CELF2: variants seen among roughly 807,000 people sequenced by gnomAD.
CELF2 encodes CUG triplet repeat RNA-binding protein 2.
CELF2 carries 8 observed loss-of-function variants against 62.6 expected under a neutral mutation model. The observed-to-expected ratio is 0.13, with a 90% CI of 0.07 to 0.23. The LOEUF is 0.23. Ranked by LOEUF, CELF2 falls within the 10% of genes least tolerant of loss-of-function variation. The pLI is 1.00. For synonymous variants in CELF2, 258 were observed against 250.0 expected (o/e 1.03, Z -0.30); for missense variants, 333 against 671.0 (o/e 0.50, Z 5.56).
intron 1 of CELF2, among the ~76,000 whole-genome samples, chr10:10,805,478 G>T (rs1448831941): frequency 6.6e-6 from 1 of 152,176 alleles, no homozygotes; most frequent in Admixed American, 6.5e-5. Flanking sequence ...TTGCAGAGCT[G>T]CAGGAAGAGG....
chr10:11,034,950 C>G (rs989703847), intron 1 of CELF2, among the ~76,000 whole-genome samples: 1 of 152,088 alleles, frequency 6.6e-6, no homozygotes, highest in African/African-American at 2.4e-5. Flanking sequence ...CCTTGGTACT[C>G]AAGTGGGTGC....
chr10:11,085,277 G>A (rs1417490659), intron 1 of CELF2, among the ~76,000 whole-genome samples: 1 of 152,202 alleles, frequency 6.6e-6, no homozygotes, highest in Admixed American at 6.5e-5. Flanking sequence ...GCTGTGGTCA[G>A]CAGCACATCA....
intron 3 of CELF2, among the ~76,000 whole-genome samples, chr10:11,248,485 T>G (rs1208522291): frequency 2.0e-5 from 3 of 152,196 alleles, no homozygotes; most frequent in Non-Finnish European, 4.4e-5. Flanking sequence ...TCTTTGTTCG[T>G]ATTCTGTATT....
intron 1 of CELF2, among the ~76,000 whole-genome samples, chr10:11,054,332 C>T (rs891448162): frequency 3.3e-5 from 5 of 152,066 alleles, no homozygotes; most frequent in East Asian, 3.8e-4. Flanking sequence ...TGTGGTCTCA[C>T]GAGGAAGAGG....
At chr10:11,301,047 C>G (rs1044765116) in intron 9 of CELF2, among the ~76,000 whole-genome samples, 1 of 152,178 alleles carries the variant, frequency 6.6e-6, no homozygotes, top group Non-Finnish European at 1.5e-5. Context: ...TCCTAGAAAG[C>G]AAGCCAGTTT....
At chr10:10,949,742 A>C (rs1256466939) in intron 2 of CELF2, among the ~76,000 whole-genome samples, 5 of 151,186 alleles carry the variant, frequency 3.3e-5, no homozygotes, top group Non-Finnish European at 5.9e-5. Context: ...TGGAGGTTGC[A>C]CTGAGCCAAG....
At chr10:10,502,202 A>G in the CELF2 span, among the ~76,000 whole-genome samples, 21 of 141,284 alleles carry the variant, frequency 1.5e-4, no homozygotes, top group Non-Finnish European at 2.4e-4. Flanking sequence ...TTCCTGAGGG[A>G]TATTGATTTG....
Position 10,981,692 on chromosome 10 carries a change from A to C in CELF2, c.89+61693A>C, listed in dbSNP as rs188922642. 8.4e-4 allele frequency among the ~76,000 whole-genome samples: 128 copies of C among 152,348 alleles called. 2 individuals carry two copies. Among genetic ancestry groups the C allele is most frequent in the South Asian group, 2.1e-3 (10 of 4,828 alleles). On this transcript the variant is annotated intron_variant, in intron 2 of 13. Coordinates refer to the CELF2 transcript ENST00000636488. ...TCACACTCATCTTTTTCTGTTGAGAACCTATAGAAATAATACAAGTAAGTA... is the reference window on the plus strand; with the variant it reads ...TCACACTCATCTTTTTCTGTTGAGACCCTATAGAAATAATACAAGTAAGTA...
At chr10:10,499,877 T>C in the CELF2 span, among the ~76,000 whole-genome samples, 4 of 152,102 alleles carry the variant, frequency 2.6e-5, no homozygotes, top group African/African-American at 4.8e-5. Context: ...GACTCTTGTC[T>C]TGTGGGGGAA....
chr10:10,816,634 C>G (rs932950032), intron 1 of CELF2, among the ~76,000 whole-genome samples: 1 of 152,202 alleles, frequency 6.6e-6, no homozygotes, highest in Non-Finnish European at 1.5e-5. Flanking sequence ...GAAAACAAGT[C>G]ATATCTTAAA....
At chr10:10,497,055 G>A in the CELF2 span, among the ~76,000 whole-genome samples, 1 of 152,068 alleles carries the variant, frequency 6.6e-6, no homozygotes, top group Non-Finnish European at 1.5e-5. Flanking sequence ...GCTGGGCAAG[G>A]TGGCACATGC....
chr10:11,047,669 A>G (rs2063107131), intron 1 of CELF2, among the ~76,000 whole-genome samples: 1 of 152,118 alleles, frequency 6.6e-6, no homozygotes. Context: ...TTGAAGCAAA[A>G]AATTTATTTT....
the CELF2 span, among the ~76,000 whole-genome samples, chr10:10,535,816 G>A: frequency 6.6e-6 from 1 of 152,148 alleles, no homozygotes; most frequent in Non-Finnish European, 1.5e-5. Context: ...GAGGGAATTT[G>A]TGGTCAGACC....
chr10:10,656,231 G>T, the CELF2 span, among the ~76,000 whole-genome samples: 2 of 151,192 alleles, frequency 1.3e-5, no homozygotes, highest in Non-Finnish European at 1.5e-5. Flanking sequence ...ACAGGTGCTG[G>T]AGAGGATGTG....
the CELF2 span, among the ~76,000 whole-genome samples, chr10:10,618,112 C>T: frequency 1.3e-5 from 2 of 152,036 alleles, no homozygotes; most frequent in African/African-American, 2.4e-5. Flanking sequence ...CCTGGATTGC[C>T]GACACAGACA....
At chr10:11,029,927 C>G (rs1186355176) in intron 1 of CELF2, among the ~76,000 whole-genome samples, 2 of 152,192 alleles carry the variant, frequency 1.3e-5, no homozygotes, top group Non-Finnish European at 2.9e-5. Context: ...TCAGAAGCCA[C>G]GTGATTGGCC....
chr10:10,919,277 AAAAG>A (rs1437251766), intron 1 of CELF2, among the ~76,000 whole-genome samples: 3 of 152,054 alleles, frequency 2.0e-5, no homozygotes, highest in East Asian at 1.9e-4. Context: ...CTGAAAAAAA[AAAAG>A]AAAGAAAGAA....
At chr10:10,472,474 ATTAC>A in the CELF2 span, among the ~76,000 whole-genome samples, 1 of 151,890 alleles carries the variant, frequency 6.6e-6, no homozygotes, top group Non-Finnish European at 1.5e-5. Context: ...CTGATTACAT[ATTAC>A]TTTTTAAAAT....
Position 11,178,333 on chromosome 10 carries a change from C to T in CELF2, c.271+12651C>T, listed in dbSNP as rs2071994018. 6.6e-6 allele frequency among the ~76,000 whole-genome samples: 1 copy of T among 152,200 alleles called. No homozygotes were observed. Among genetic ancestry groups the T allele is most frequent in the Non-Finnish European group, 1.5e-5 (1 of 68,032 alleles). ...CAGGTGGCGCTGGCTCTTAGCTGTT[C>T]TGCAAGTCCAGCACAGGGTGTATTC... On this transcript the variant is annotated intron_variant, in intron 2 of 12. Transcript: ENST00000633077. This position sits in a 1 kb window ranked among gnomAD's most constrained non-coding sequence, Gnocchi z 4.3.
Sources: allele counts gnomAD v4.1 joint callset (sites outside exome capture counted in the v4.1 genomes callset), GRCh38; gene constraint gnomAD v4.1.1; non-coding constraint Gnocchi (gnomAD v3.1); transcripts MANE v1.5; gene names NCBI Gene and HGNC (gene_info 2026-07-23, HGNC 2026-07-21).